Variants in FAT3 observed in about 807,000 individuals in gnomAD.
FAT3 encodes the protein protocadherin Fat 3.
FAT3 carries 95 observed loss-of-function variants against 310.2 expected under a neutral mutation model. The observed-to-expected ratio is 0.31, with a 90% confidence interval of 0.26 to 0.36. The LOEUF (loss-of-function observed/expected upper bound fraction) is 0.36. Ranked by LOEUF, FAT3 falls within the 10% of genes least tolerant of loss-of-function variation. FAT3 has a pLI of 1.00. For synonymous variants in FAT3, 2,314 were observed against 2,192.9 expected, an observed-to-expected ratio of 1.06 and a Z score of -1.54; for missense variants, 5,408 against 5,715.6, an observed-to-expected ratio of 0.95 and a Z score of 1.74.
At chr11:92,388,191 G>T (rs1297957242) in intron 2 of FAT3, among the ~76,000 whole-genome samples, 2 of 151,402 alleles carry the variant, frequency 1.3e-5, no homozygotes, top group African/African-American at 4.9e-5. Context: ...TATTTATATA[G>T]TTTTTTTTTA....
chr11:92,585,469 C>T (rs1939087381), intron 3 of FAT3, among the ~76,000 whole-genome samples: 1 of 152,002 alleles, frequency 6.6e-6, no homozygotes, highest in South Asian at 2.1e-4. Context: ...AGAGACATCT[C>T]TTGTAGTACT....
At chr11:92,463,760 C>A (rs1220238516) in intron 2 of FAT3, among the ~76,000 whole-genome samples, 1 of 152,150 alleles carries the variant, frequency 6.6e-6, no homozygotes, top group East Asian at 1.9e-4. Flanking sequence ...CTTACTGGGG[C>A]TTGTCAACTA....
At chr11:92,833,066 G>A (rs994828144) in intron 14 of FAT3, among the ~76,000 whole-genome samples, 19 of 152,284 alleles carry the variant, frequency 1.2e-4, no homozygotes, top group African/African-American at 3.1e-4. Flanking sequence ...CTTCACCAGC[G>A]AGTTAATAAG....
intron 2 of FAT3, among the ~76,000 whole-genome samples, chr11:92,486,138 T>TTTTTTTG (rs1952386776): frequency 1.5e-5 from 2 of 130,598 alleles, no homozygotes; most frequent in Admixed American, 1.6e-4. Flanking sequence ...GGGTTTTTTT[T>TTTTTTTG]TTTTTTTTTT....
chr11:92,292,088 T>TA (rs1267876977), intron 1 of FAT3, among the ~76,000 whole-genome samples: 1 of 152,124 alleles, frequency 6.6e-6, no homozygotes, highest in African/African-American at 2.4e-5. Context: ...CTCTTTTATC[T>TA]AAAAAAATGG....
chr11:92,433,186 C>G (rs1184562246), intron 2 of FAT3, among the ~76,000 whole-genome samples: 2 of 152,184 alleles, frequency 1.3e-5, no homozygotes, highest in Admixed American at 1.3e-4. Context: ...GGGGTAGGAT[C>G]CACTGAACAA....
chr11:92,711,359 C>T (rs942055760), intron 4 of FAT3, among the ~76,000 whole-genome samples: 2 of 151,986 alleles, frequency 1.3e-5, no homozygotes, highest in African/African-American at 2.4e-5. Flanking sequence ...GTAGAGTTGC[C>T]AATGACCTTA....
At chr11:92,613,410 C>G (rs1295263884) in intron 3 of FAT3, among the ~76,000 whole-genome samples, 1 of 151,950 alleles carries the variant, frequency 6.6e-6, no homozygotes, top group Non-Finnish European at 1.5e-5. Flanking sequence ...TTAAAAAAAA[C>G]TAAGTTTAAA....
chr11:92,510,261 CAT>C (rs1555070019), intron 2 of FAT3, among the ~76,000 whole-genome samples: 2 of 152,160 alleles, frequency 1.3e-5, no homozygotes, highest in Non-Finnish European at 2.9e-5. Flanking sequence ...GACTTCATTT[CAT>C]ATATTCTCTG....
chr11:92,681,538 G>A (rs1452287610), intron 3 of FAT3, among the ~76,000 whole-genome samples: 1 of 152,318 alleles, frequency 6.6e-6, no homozygotes, highest in East Asian at 1.9e-4. Flanking sequence ...GGTGAATTTA[G>A]TAGAATGTAT....
chr11:92,272,512 A>G (rs888965447), intron 1 of FAT3, among the ~76,000 whole-genome samples: 46 of 152,222 alleles, frequency 3.0e-4, no homozygotes, highest in African/African-American at 9.9e-4. Context: ...AATGAATAAT[A>G]TAATATAACC....
At chr11:92,703,814 T>C (rs1274794119) in intron 4 of FAT3, among the ~76,000 whole-genome samples, 2 of 152,270 alleles carry the variant, frequency 1.3e-5, no homozygotes, top group African/African-American at 2.4e-5. Flanking sequence ...ATTTTTTCCT[T>C]TGACTTTCAC....
intron 1 of FAT3, among the ~76,000 whole-genome samples, chr11:92,272,518 T>C (rs1463685567): frequency 6.6e-6 from 1 of 151,874 alleles, no homozygotes; most frequent in Admixed American, 6.6e-5. Flanking sequence ...TAATATAATA[T>C]AACCCACATA....
Position 92,798,989 on chromosome 11 carries a change from A to G in FAT3, c.5976A>G (p.Ser1992=), listed in dbSNP as rs1480621413. 2 of 1,613,886 alleles carry G rather than the reference A, an allele frequency of 1.2e-6. No homozygotes were observed. The highest frequency in any genetic ancestry group is 4.5e-5 in the East Asian group (2 of 44,878). The stretch of plus-strand genomic sequence containing the variant: ...AAAGCTTCTATTCCACCTCAATCTC[A>G]GAGAACAACACTAACATAACCAAAG... ...FTQSFYSTSI[S]ENNTNITKVA... The change falls in exon 10 of 28, where the codon TCA becomes TCG. Residue 1992 remains serine, a synonymous_variant. Transcript: ENST00000525166.
At chr11:92,834,764 T>G (rs1948355628) in intron 14 of FAT3, 106 bp from the exon 15 acceptor site, 5 of 1,037,556 alleles carry the variant, frequency 4.8e-6, no homozygotes, top group Non-Finnish European at 5.5e-6. Flanking sequence ...TCCTGAATGT[T>G]TAAATTCTTG....
At chr11:92,603,842 C>G (rs548682806) in intron 3 of FAT3, among the ~76,000 whole-genome samples, 1 of 152,204 alleles carries the variant, frequency 6.6e-6, no homozygotes. Context: ...TCTTCTCTGA[C>G]TTTTAGCCAT....
At chr11:92,768,098 A>G (rs1328416257) in intron 6 of FAT3, among the ~76,000 whole-genome samples, 1 of 152,214 alleles carries the variant, frequency 6.6e-6, no homozygotes, top group Non-Finnish European at 1.5e-5. Flanking sequence ...AGAACATGGC[A>G]TCAGTTTTCA....
In FAT3 at chr11:92,463,243, T is replaced by C. The variant is rs145396585; in HGVS notation, c.3293-61391T>C. 9.2e-5 allele frequency among the ~76,000 whole-genome samples: 14 copies of C among 152,328 alleles called. No homozygotes were observed. The East Asian group carries it at 2.5e-3, about 27-fold the overall frequency. ...TCCTTGACTATAATTGCTGGCATGC[T>C]CTCATTTTGTATCAGTCTTGTCTGA... On this transcript the variant is annotated intron_variant, in intron 2 of 27. Transcript: ENST00000525166.
chr11:92,665,285 C>T (rs903749403), intron 3 of FAT3, among the ~76,000 whole-genome samples: 4 of 152,072 alleles, frequency 2.6e-5, no homozygotes, highest in Non-Finnish European at 4.4e-5. Flanking sequence ...CAGAGACGAA[C>T]GGTTGACCAG....
Sources: gnomAD v4.1 joint callset for allele counts (sites outside exome capture counted in the v4.1 genomes callset) on GRCh38, gnomAD v4.1.1 for gene constraint, MANE v1.5 for transcripts, NCBI Gene and HGNC (gene_info 2026-07-23, HGNC 2026-07-21) for gene names.